Variants in ESYT2 observed in about 807,000 individuals in gnomAD.
The protein encoded by ESYT2 is extended synaptotagmin 2.
Under a neutral mutation model 107.2 loss-of-function variants are expected in ESYT2, and 54 were observed. The ratio of observed to expected loss-of-function variants is 0.50; its 90% CI spans 0.40 to 0.63. The LOEUF (loss-of-function observed/expected upper bound fraction) is 0.63. ESYT2 is among the 30% of genes least tolerant of loss of function. The probability of loss-of-function intolerance (pLI) is 0.00; values close to 1 mark genes in which losing one functional copy is unlikely to be tolerated. For missense variants in ESYT2, 1,020 were observed against 1,094.5 expected, an observed-to-expected ratio of 0.93 and a Z score of 0.96; for synonymous variants, 491 against 434.1, an observed-to-expected ratio of 1.13 and a Z score of -1.63.
At chr7:158,813,126 GAC>G (rs1432327385) in intron 1 of ESYT2, among the ~76,000 whole-genome samples, 2 of 152,132 alleles carry the variant, frequency 1.3e-5, no homozygotes, top group African/African-American at 4.8e-5. Context: ...GCAATGAAAA[GAC>G]ACAGAAGAAC....
intron 13 of ESYT2, among the ~76,000 whole-genome samples, chr7:158,755,542 C>T (rs1374859788): frequency 6.6e-6 from 1 of 152,146 alleles, no homozygotes; most frequent in Non-Finnish European, 1.5e-5. Context: ...GGGGAGCTAT[C>T]TAGTCAGATT....
intron 3 of ESYT2, among the ~76,000 whole-genome samples, chr7:158,797,555 A>T (rs1188783274): frequency 6.6e-6 from 1 of 152,050 alleles, no homozygotes; most frequent in East Asian, 1.9e-4. Flanking sequence ...AAAAAAATTT[A>T]AAAGAAAATG....
At chr7:158,747,079 C>T (rs1328437380) in intron 16 of ESYT2, among the ~76,000 whole-genome samples, 3 of 151,818 alleles carry the variant, frequency 2.0e-5, no homozygotes, top group African/African-American at 7.3e-5. Context: ...GGTGCGTTGG[C>T]TCACGCCTGT....
Position 158,741,731 on chromosome 7 carries a change from C to A in ESYT2, c.1960G>T (p.Gly654Trp). Residue 654 changes from glycine (G) to tryptophan (W), a missense_variant, in exon 18 of 23, where the codon GGG becomes TGG. Transcript: ENST00000275418. Reference sequence around the variant, plus strand: ...TCCATACCAGGCTTATCACTGCCCCCAATGACTGGTGTGGATGGAGCTGTG... The same window carrying A: ...TCCATACCAGGCTTATCACTGCCCCAAATGACTGGTGTGGATGGAGCTGTG... ...SNTAPSTPVI[G>W]GSDKPGMEEK... 4 of 1,614,114 alleles carry A rather than the reference C, an allele frequency of 2.5e-6. No homozygotes were observed. In the South Asian group the frequency reaches 4.4e-5, roughly 18 times the overall value.
chr7:158,800,109 C>T (rs965447627), intron 1 of ESYT2, among the ~76,000 whole-genome samples: 2 of 146,638 alleles, frequency 1.4e-5, no homozygotes, highest in African/African-American at 2.5e-5. Flanking sequence ...AGTGCAGTGG[C>T]GCGATCTCGG....
chr7:158,739,312 A>C (rs1005997160), intron 18 of ESYT2, among the ~76,000 whole-genome samples, 191 bp from the exon 19 acceptor site: 1 of 152,230 alleles, frequency 6.6e-6, no homozygotes, highest in Non-Finnish European at 1.5e-5. Context: ...TTGAGGGTTC[A>C]ATATAAATTA....
At chr7:158,755,360 T>C (rs1240221791) in intron 13 of ESYT2, among the ~76,000 whole-genome samples, 1 of 152,204 alleles carries the variant, frequency 6.6e-6, no homozygotes. Flanking sequence ...GTGATGCATA[T>C]GTTCTAATAA....
chr7:158,818,347 A>G (rs1379698593), intron 1 of ESYT2, among the ~76,000 whole-genome samples: 1 of 152,226 alleles, frequency 6.6e-6, no homozygotes, highest in Non-Finnish European at 1.5e-5. Context: ...GGCTCCTTGG[A>G]TATTATTTTA....
At chr7:158,809,098 G>A (rs1161781324) in intron 1 of ESYT2, among the ~76,000 whole-genome samples, 1 of 152,120 alleles carries the variant, frequency 6.6e-6, no homozygotes, top group Non-Finnish European at 1.5e-5. Context: ...TTGTTTCACT[G>A]GGGATCTTGG....
chr7:158,779,513 G>A lies in ESYT2; in HGVS notation c.748-6117C>T, dbSNP rs143448848. Among the ~76,000 whole-genome samples the A allele has an allele frequency of 1.2e-3, 190 of 152,322 alleles. 4 individuals are homozygous for A. In the South Asian group the frequency reaches 0.038, roughly 31 times the overall value. ...GAAAATCATTTATTCTAGTTTCACA[G>A]TTAAGTAAACTAAGACCTAGAGGAA... On this transcript the variant is annotated intron_variant, in intron 6 of 22. Transcript: ENST00000275418.
Position 158,812,578 on chromosome 7 carries a change from C to G in ESYT2, c.331-13506G>C, listed in dbSNP as rs557360315. Among the ~76,000 whole-genome samples, 4 of 152,174 alleles carry G rather than the reference C, an allele frequency of 2.6e-5. No homozygotes were observed. In the South Asian group the frequency reaches 8.3e-4, roughly 32 times the overall value. On this transcript the variant is annotated intron_variant, in intron 1 of 22. Coordinates refer to ENST00000275418, the MANE Select transcript of ESYT2 (RefSeq NM_001367773.1). ...CTCAAAATGTTAAACATAGACCCAA[C>G]AATTCTATTCCTAGGTATATACTCA...
At chr7:158,749,619 C>T (rs182531864) in intron 15 of ESYT2, 30 bp downstream of exon 15, 3 of 1,611,926 alleles carry the variant, frequency 1.9e-6, no homozygotes, top group African/African-American at 2.7e-5. Flanking sequence ...ACGACAGGCA[C>T]CAAGGCTGAG....
intron 19 of ESYT2, among the ~76,000 whole-genome samples, chr7:158,737,672 A>G (rs1837015857): frequency 6.6e-6 from 1 of 152,142 alleles, no homozygotes. Context: ...CTCCTCTACA[A>G]CAGTATCCCC....
At chr7:158,751,419 C>CAA (rs1357016583) in intron 14 of ESYT2, among the ~76,000 whole-genome samples, 10 of 152,158 alleles carry the variant, frequency 6.6e-5, no homozygotes, top group Non-Finnish European at 1.3e-4. Flanking sequence ...CAAAATCCAT[C>CAA]AGCACAAGTC....
intron 4 of ESYT2, among the ~76,000 whole-genome samples, chr7:158,790,150 C>T (rs888078923): frequency 9.9e-5 from 15 of 152,182 alleles, no homozygotes; most frequent in Admixed American, 9.2e-4. Flanking sequence ...TTTGCCCTAG[C>T]ACCAAATATT....
intron 6 of ESYT2, among the ~76,000 whole-genome samples, 161 bp downstream of exon 6, chr7:158,787,843 T>TTG (rs1839161715): frequency 6.6e-6 from 1 of 152,162 alleles, no homozygotes; most frequent in South Asian, 2.1e-4. Flanking sequence ...AGCTCTCAGT[T>TTG]AAGGCACAAA....
Position 158,763,118 on chromosome 7 carries a change from A to G in ESYT2, c.1149T>C (p.Phe383=). 6.2e-7 allele frequency: 1 copy of G among 1,613,250 alleles called. No individual in the cohort carries two copies. The change falls in exon 10 of 23, where the codon TTT becomes TTC. Residue 383 remains phenylalanine, a synonymous_variant. Coordinates refer to ENST00000275418, the MANE Select transcript of ESYT2 (RefSeq NM_001367773.1). The stretch of plus-strand genomic sequence containing the variant: ...AGTCATCCTTGTCTGGGTCTTCATC[A>G]AAGAGCTCAATCTCTAATTCTTGTC... ...HPGQELEIEL[F]DEDPDKDDFL... is the part of the protein sequence containing the mutation.
chr7:158,773,442 A>G (rs945589695), intron 6 of ESYT2, 46 bp from the exon 7 acceptor site: 8 of 1,602,922 alleles, frequency 5.0e-6, no homozygotes, highest in East Asian at 2.2e-5. Flanking sequence ...ACAATTTCCA[A>G]TTATTGAATC....
At chr7:158,758,389 A>G (rs1249827855) in intron 13 of ESYT2, among the ~76,000 whole-genome samples, 1 of 152,190 alleles carries the variant, frequency 6.6e-6, no homozygotes, top group African/African-American at 2.4e-5. Flanking sequence ...GCGTAGTCTG[A>G]CCACGGCAAG....
Sources: allele counts gnomAD v4.1 joint callset (sites outside exome capture counted in the v4.1 genomes callset), GRCh38; gene constraint gnomAD v4.1.1; transcripts MANE v1.5; gene names NCBI Gene and HGNC (gene_info 2026-07-23, HGNC 2026-07-21).